ANKRD24: variants seen among roughly 807,000 people sequenced by gnomAD.
ANKRD24 encodes the protein ankyrin repeat domain-containing protein 24.
In ANKRD24, 109 loss-of-function variants were observed where a neutral mutation model predicts 127.8. That is an observed-to-expected ratio of 0.85 (90% confidence interval 0.73 to 1.00). The LOEUF (loss-of-function observed/expected upper bound fraction) is 1.00. Ranked by LOEUF, ANKRD24 falls within the 50% of genes least tolerant of loss-of-function variation. The probability of loss-of-function intolerance (pLI) is 0.00; values close to 1 mark genes in which losing one functional copy is unlikely to be tolerated. For missense variants in ANKRD24, 1,648 were observed against 1,570.2 expected (o/e 1.05, Z -0.84); for synonymous variants, 743 against 671.1 (o/e 1.11, Z -1.66).
Position 4,217,185 on chromosome 19 carries a change from G to A in ANKRD24, c.2025G>A (p.Thr675=), listed in dbSNP as rs762919887. Residue 675 remains threonine, a synonymous_variant, in exon 18 of 22, where the codon ACG becomes ACA. Transcript: ENST00000318934. ...PVTGTTNMEA[T]GSRATGMEST... ...CAGGGACCACAAACATGGAGGCCAC[G>A]GGCTCTAGGGCCACAGGGATGGAAT... is the stretch of plus-strand genomic sequence containing the variant. The A allele has an allele frequency of 1.4e-5, 23 of 1,610,038 alleles. No individual in the cohort carries two copies. Among genetic ancestry groups the A allele is most frequent in the South Asian group, 4.4e-5 (4 of 90,676 alleles).
intron 6 of ANKRD24, among the ~76,000 whole-genome samples, chr19:4,202,655 C>T (rs1969157891): frequency 1.3e-5 from 2 of 152,184 alleles, no homozygotes; most frequent in African/African-American, 4.8e-5. Context: ...GCCCCAGACA[C>T]TCCCAGAGTT....
intron 19 of ANKRD24, among the ~76,000 whole-genome samples, chr19:4,220,096 C>T (rs1396303877): frequency 6.6e-6 from 1 of 152,170 alleles, no homozygotes; most frequent in Non-Finnish European, 1.5e-5. Context: ...CTCAGCCTCC[C>T]GAGCAGCTGG....
rs1205369897 is a variant in ANKRD24, at chr19:4,224,422, C to A, written c.3364-6C>A. On this transcript the variant is annotated splice_region_variant and splice_polypyrimidine_tract_variant and intron_variant, in intron 21 of 21. Transcript: ENST00000318934. Reference sequence around the variant, plus strand: ...TCAGGGTCTTCCTCTACTCCCCCAACCCTAGGGCCAGATGGATGAAGATGT... The same window carrying A: ...TCAGGGTCTTCCTCTACTCCCCCAAACCTAGGGCCAGATGGATGAAGATGT... 1 of 1,613,144 alleles carries A rather than the reference C, an allele frequency of 6.2e-7. No individual in the cohort carries two copies. The highest frequency in any genetic ancestry group is 1.7e-5 in the Admixed American group (1 of 59,864).
At chr19:4,194,262 C>T (rs989597626) in intron 2 of ANKRD24, among the ~76,000 whole-genome samples, 3 of 152,190 alleles carry the variant, frequency 2.0e-5, no homozygotes, top group African/African-American at 7.2e-5. Context: ...AAGCGATTCT[C>T]CTGCCTCAGA....
intron 18 of ANKRD24, among the ~76,000 whole-genome samples, chr19:4,219,351 C>T (rs1599468272): frequency 6.6e-6 from 1 of 152,088 alleles, no homozygotes; most frequent in East Asian, 1.9e-4. Context: ...CCTGTGGTCC[C>T]AGCTACTTGG....
At position 4,217,004 on chromosome 19, in the gene ANKRD24, A is replaced by C. The variant is rs202017923; in HGVS notation, c.1844A>C (p.Glu615Ala). Residue 615 changes from glutamate (E) to alanine (A), a missense_variant, in exon 18 of 22, where the codon GAA becomes GCA. Coordinates refer to ENST00000318934, the MANE Select transcript of ANKRD24 (RefSeq NM_001393985.1). ...AGAGAAATGGAGACCACAGAAGAAG[A>C]AGCAAACATGGAAACTAAGCCCACA... is the stretch of plus-strand genomic sequence containing the variant. The part of the protein sequence containing the change: ...EVREMETTEE[E>A]ANMETKPTGA... The C allele has an allele frequency of 1.0e-4, 162 of 1,613,562 alleles. No individual in the cohort carries two copies. Among genetic ancestry groups the C allele is most frequent in the Middle Eastern group, 1.6e-4 (1 of 6,084 alleles).
chr19:4,188,201 C>T (rs1968176003), intron 2 of ANKRD24, among the ~76,000 whole-genome samples: 1 of 151,892 alleles, frequency 6.6e-6, no homozygotes, highest in South Asian at 2.1e-4. Context: ...CCTCAGCCTC[C>T]CGAGTAGCTG....
chr19:4,216,912 C>A lies in ANKRD24; in HGVS notation c.1752C>A (p.Ala584=). 1 of 1,609,464 alleles carries A rather than the reference C, an allele frequency of 6.2e-7. No individual in the cohort carries two copies. The highest frequency in any genetic ancestry group is 8.5e-7 in the Non-Finnish European group (1 of 1,177,896). ...ARTMEAEATG[A]EATGAEATGA... ...CTATGGAAGCTGAGGCCACGGGAGC[C>A]GAGGCCACGGGAGCTGAGGCCACAG... Residue 584 remains alanine (A), a synonymous_variant, in exon 18 of 22, where the codon GCC becomes GCA. Transcript: ENST00000318934.
rs777039124 is a variant in ANKRD24, at chr19:4,224,116, C to T, written c.3298-11C>T. The T allele has an allele frequency of 5.0e-6, 8 of 1,611,324 alleles. No homozygotes were observed. Among genetic ancestry groups the T allele is most frequent in the Non-Finnish European group, 5.1e-6 (6 of 1,179,172 alleles). ...CCTGCTCTTCTGAGCGCCCCTTCCT[C>T]ATGCCCACAGGAAGCTGCCAGGGAC... On this transcript the variant is annotated splice_polypyrimidine_tract_variant and intron_variant, in intron 20 of 21. Coordinates refer to ENST00000318934, the MANE Select transcript of ANKRD24 (RefSeq NM_001393985.1).
rs550317800 is a variant in ANKRD24 at position 4,210,993 on chromosome 19, C to G, written c.1059+621C>G. ...GGATTACAGGCGCCCACCACCACAT[C>G]CAGCTAGTTTTGTATTTTTAGTAGA... On this transcript the variant is annotated intron_variant, in intron 13 of 21. Transcript: ENST00000318934. Among the ~76,000 whole-genome samples, 18 of 151,974 alleles carry G rather than the reference C, an allele frequency of 1.2e-4. No homozygotes were observed. The East Asian group carries it at 3.5e-3, about 30-fold the overall frequency.
Position 4,202,103 on chromosome 19 carries a change from CT to C in ANKRD24, c.408+15del. On this transcript the variant is annotated intron_variant, in intron 6 of 21. Coordinates refer to ENST00000318934, the MANE Select transcript of ANKRD24 (RefSeq NM_001393985.1). ...GCAACTACTGCAGGTCATTTACTGT[CT>C]TATCTCAGCTACTCCCTTGGCCCCT... 6.2e-7 allele frequency: 1 copy of C among 1,612,514 alleles called. No homozygotes were observed. The highest frequency in any genetic ancestry group is 1.1e-5 in the South Asian group (1 of 91,050).
rs1969497211 is a variant in ANKRD24 at position 4,208,020 on chromosome 19, A to C, written c.832+52A>C. 4 of 1,401,246 alleles carry C rather than the reference A, an allele frequency of 2.9e-6. No homozygotes were observed. In the South Asian group the frequency reaches 5.1e-5, roughly 18 times the overall value. The allele number at this position is 1,401,246 out of a possible 1,614,324, so 86.8% of individuals were successfully genotyped here. A position where few individuals can be genotyped will look rare whatever the true frequency, so the allele number is the denominator to read the frequency against. On this transcript the variant is annotated intron_variant, in intron 10 of 21. Coordinates refer to ENST00000318934, the MANE Select transcript of ANKRD24 (RefSeq NM_001393985.1). ...ATTTGCTTCTTGGCAGCTTCTTGTCACTCCCCTTCTCTTTATCGTGAATAG... is the reference window on the plus strand; with the variant it reads ...ATTTGCTTCTTGGCAGCTTCTTGTCCCTCCCCTTCTCTTTATCGTGAATAG...
chr19:4,207,342 T>C lies in ANKRD24; in HGVS notation c.537+30T>C, dbSNP rs748039011. 1.1e-4 allele frequency: 174 copies of C among 1,609,064 alleles called. No homozygotes were observed. In the Admixed American group the frequency reaches 2.8e-3, roughly 26 times the overall value. ...GCTTCTGGGATCTCTTCAGGGAAGA[T>C]GTTATGCTTGAGGTATGCTGCCACC... is the stretch of plus-strand genomic sequence containing the variant. On this transcript the variant is annotated intron_variant, in intron 8 of 21. Transcript: ENST00000318934.
rs149126489 is a variant in ANKRD24 at position 4,215,544 on chromosome 19, A to C, written c.1198-434A>C. On this transcript the variant is annotated intron_variant, in intron 15 of 21. Transcript: ENST00000318934. ...CACTTTGGGAGACTGAGGCAGGAGG[A>C]TCGCTTGAACCCAGGAGTTCGAGAC... Among the ~76,000 whole-genome samples, 772 of 149,968 alleles carry C rather than the reference A, an allele frequency of 5.1e-3. 7 individuals carry two copies. The highest frequency in any genetic ancestry group is 0.016 in the African/African-American group (644 of 40,580).
At chr19:4,223,401 A>ATATTTTTTTTTT (rs1192232980) in intron 20 of ANKRD24, among the ~76,000 whole-genome samples, 1 of 53,344 alleles carries the variant, frequency 1.9e-5, no homozygotes, top group African/African-American at 9.5e-5. Context: ...ATATATATAT[A>ATATTTTTTTTTT]TTTTTTTTTT....
chr19:4,188,982 G>A (rs1428406721), intron 2 of ANKRD24, among the ~76,000 whole-genome samples: 1 of 151,572 alleles, frequency 6.6e-6, no homozygotes, highest in African/African-American at 2.4e-5. Context: ...TAAATATTTT[G>A]TATTTTTAGT....
At chr19:4,223,401 A>ATATATTT (rs1192232980) in intron 20 of ANKRD24, among the ~76,000 whole-genome samples, 1 of 53,342 alleles carries the variant, frequency 1.9e-5, no homozygotes, top group African/African-American at 9.5e-5. Context: ...ATATATATAT[A>ATATATTT]TTTTTTTTTT....
At chr19:4,216,511 AACTCCTGCCAG>A in intron 17 of ANKRD24, 28 bp from the exon 18 acceptor site, 4 of 1,571,522 alleles carry the variant, frequency 2.5e-6, no homozygotes, top group South Asian at 1.2e-5. Context: ...CGGTCACATC[AACTCCTGCCAG>A]ACTCCTGCCC....
chr19:4,209,958 G>C, intron 11 of ANKRD24, 100 bp from the exon 12 acceptor site: 2 of 681,744 alleles, frequency 2.9e-6, no homozygotes, highest in East Asian at 2.7e-5. Flanking sequence ...TTCTCAGGAA[G>C]TCAGGCCATG....
Sources: gnomAD v4.1 joint callset for allele counts (sites outside exome capture counted in the v4.1 genomes callset) on GRCh38, gnomAD v4.1.1 for gene constraint, MANE v1.5 for transcripts, NCBI Gene and HGNC (gene_info 2026-07-23, HGNC 2026-07-21) for gene names.